NAP1L4: variants seen among roughly 807,000 people sequenced by gnomAD.
NAP1L4 encodes nucleosome assembly protein 1 like 4, also known as nucleosome assembly protein 1-like 4.
In NAP1L4, 15 loss-of-function variants were observed where a neutral mutation model predicts 58.2. That is an observed-to-expected ratio of 0.26 (90% CI 0.17 to 0.40). The LOEUF is 0.40. Among genes scored for constraint, NAP1L4 ranks in the 10% least tolerant of loss-of-function variants. The pLI, the probability that NAP1L4 is intolerant of heterozygous loss-of-function variation, is 1.00. For missense variants in NAP1L4, 384 were observed against 451.1 expected (o/e 0.85, Z 1.35); for synonymous variants, 171 against 155.6 (o/e 1.10, Z -0.74).
Position 2,948,950 on chromosome 11 carries a change from T to G in NAP1L4, c.*32+277A>C, listed in dbSNP as rs1049441250. Among the ~76,000 whole-genome samples, 8 of 152,198 alleles carry G rather than the reference T, an allele frequency of 5.3e-5. No individual in the cohort carries two copies. The highest frequency in any genetic ancestry group is 2.9e-5 in the Non-Finnish European group (2 of 68,038). On this transcript the variant is annotated intron_variant, in intron 15 of 15. Coordinates refer to ENST00000380542, the MANE Select transcript of NAP1L4 (RefSeq NM_005969.4). The surrounding 1 kb of genome is among the most constrained non-coding windows in gnomAD (Gnocchi z 5.1). ...GCAGACTGCTGACCATCCAGGGCCC[T>G]CTTACTGGAAAGCAGTACCATCAGC...
chr11:2,970,003 A>G (rs997946003), intron 6 of NAP1L4, 69 bp from the exon 7 acceptor site: 7 of 1,493,480 alleles, frequency 4.7e-6, no homozygotes, highest in Admixed American at 2.1e-5. Context: ...TTCACGTAGA[A>G]TATCGTTGCC....
chr11:2,981,392 T>G (rs1452719036), intron 1 of NAP1L4, among the ~76,000 whole-genome samples: 2 of 113,516 alleles, frequency 1.8e-5, no homozygotes, highest in East Asian at 3.1e-4. Context: ...AACTCCAGCC[T>G]GGACAACAGA....
At chr11:2,984,783 T>C (rs1848529662) in intron 1 of NAP1L4, among the ~76,000 whole-genome samples, 1 of 139,394 alleles carries the variant, frequency 7.2e-6, no homozygotes, top group Non-Finnish European at 1.6e-5. Context: ...TGGAGACAAA[T>C]TTCCTAGTAC....
intron 5 of NAP1L4, 72 bp downstream of exon 5, chr11:2,972,030 A>C: frequency 7.1e-7 from 1 of 1,413,512 alleles, no homozygotes. Context: ...TCAACTTATA[A>C]TGGGTTTATC....
intron 1 of NAP1L4, chr11:2,992,020 G>A (rs1329519248): frequency 1.3e-5 from 2 of 152,222 alleles, no homozygotes; most frequent in South Asian, 1.9e-4. Flanking sequence ...GGAGTTGGGA[G>A]GGGCCTCCCG....
chr11:2,987,350 C>T (rs558688358), intron 1 of NAP1L4, among the ~76,000 whole-genome samples: 4 of 151,712 alleles, frequency 2.6e-5, no homozygotes, highest in East Asian at 2.0e-4. Flanking sequence ...TCACCCAAGG[C>T]GGGAGAGGGT....
Position 2,971,357 on chromosome 11 carries a change from A to C in NAP1L4, c.402+91T>G. 8.8e-7 allele frequency: 1 copy of C among 1,130,880 alleles called. No individual in the cohort carries two copies. The highest frequency in any genetic ancestry group is 1.3e-6 in the Non-Finnish European group (1 of 778,226). The allele number at this position is 1,130,880 out of a possible 1,614,324, so 70.1% of individuals were successfully genotyped here. A position where few individuals can be genotyped will look rare whatever the true frequency, so the allele number is the denominator to read the frequency against. ...CAGCAGCACCTACTGTTAGAAGCAC[A>C]TAAGTTTACTAGTCATTAAAAATCA... is the stretch of plus-strand genomic sequence containing the variant. On this transcript the variant is annotated intron_variant, in intron 6 of 15. Transcript: ENST00000380542. This position sits in a 1 kb window ranked among gnomAD's most constrained non-coding sequence, Gnocchi z 4.2.
chr11:2,949,366 G>C lies in NAP1L4; in HGVS notation c.1123-102C>G. The C allele has an allele frequency of 1.0e-6, 1 of 957,082 alleles. No individual in the cohort carries two copies. Among genetic ancestry groups the C allele is most frequent in the Non-Finnish European group, 1.7e-6 (1 of 589,448 alleles). The allele number at this position is 957,082 out of a possible 1,614,324, so 59.3% of individuals were successfully genotyped here. ...GGCCACAATTTCTCATGATACAAAA[G>C]GGCTGCAAGATACTGAACTCGGGGT... On this transcript the variant is annotated intron_variant, in intron 14 of 15. Coordinates refer to ENST00000380542, the MANE Select transcript of NAP1L4 (RefSeq NM_005969.4). The surrounding 1 kb of genome is among the most constrained non-coding windows in gnomAD (Gnocchi z 4.0).
At chr11:2,956,629 G>A (rs951592012) in intron 10 of NAP1L4, among the ~76,000 whole-genome samples, 1 of 152,100 alleles carries the variant, frequency 6.6e-6, no homozygotes, top group East Asian at 1.9e-4. Flanking sequence ...GAGTTCCCAA[G>A]CCTCGGTGTG....
intron 1 of NAP1L4, among the ~76,000 whole-genome samples, chr11:2,988,384 A>G (rs1848772309): frequency 6.6e-6 from 1 of 152,192 alleles, no homozygotes; most frequent in Admixed American, 6.5e-5. Flanking sequence ...ACTCCTCTGC[A>G]CTGTTTTTCA....
chr11:2,978,407 G>A, intron 2 of NAP1L4, 65 bp from the exon 3 acceptor site: 1 of 1,452,864 alleles, frequency 6.9e-7, no homozygotes, highest in Non-Finnish European at 9.6e-7. Flanking sequence ...AGCACAAATG[G>A]ACATGTTTCT....
At chr11:2,979,863 TA>T in intron 1 of NAP1L4, among the ~76,000 whole-genome samples, 1 of 152,352 alleles carries the variant, frequency 6.6e-6, no homozygotes, top group East Asian at 1.9e-4. Context: ...CCTTATTTTT[TA>T]TAATACATTC....
rs754410504 is a variant in NAP1L4, at chr11:2,959,183, A to G, written c.746+587T>C. Among the ~76,000 whole-genome samples the G allele has an allele frequency of 4.6e-5, 7 of 152,266 alleles. No individual in the cohort carries two copies. The highest frequency in any genetic ancestry group is 8.8e-5 in the Non-Finnish European group (6 of 68,048). ...TAAATTACTCTAGCAGGATTTTAAT[A>G]AAGTCCTGAATTAACAATTACTATT... On this transcript the variant is annotated intron_variant, in intron 9 of 15. Transcript: ENST00000380542. The surrounding 1 kb of genome is among the most constrained non-coding windows in gnomAD (Gnocchi z 4.9).
chr11:2,979,782 A>T (rs1207036930), intron 1 of NAP1L4, among the ~76,000 whole-genome samples: 2 of 151,942 alleles, frequency 1.3e-5, no homozygotes, highest in Non-Finnish European at 2.9e-5. Context: ...AAAAAAAAAA[A>T]TAAAATAAAA....
In NAP1L4 at chr11:2,988,435, T is replaced by C. The variant is rs551285610; in HGVS notation, c.-18+3819A>G. ...ATTGAACTTGTTCGTCTGTCTCCCA[T>C]AGCAGAAACAAGGACAAAGACTTCT... On this transcript the variant is annotated intron_variant, in intron 1 of 15. Transcript: ENST00000380542. 5.9e-5 allele frequency among the ~76,000 whole-genome samples: 9 copies of C among 152,346 alleles called. No homozygotes were observed. The East Asian group carries it at 1.7e-3, about 29-fold the overall frequency.
In NAP1L4 at chr11:2,945,655, G is replaced by GC; in HGVS notation, c.*33-10_*33-9insG. 1.3e-6 allele frequency: 2 copies of GC among 1,535,650 alleles called. No homozygotes were observed. Among genetic ancestry groups the GC allele is most frequent in the Non-Finnish European group, 1.7e-6 (2 of 1,146,660 alleles). On this transcript the variant is annotated splice_polypyrimidine_tract_variant and intron_variant, in intron 15 of 15. Coordinates refer to ENST00000380542, the MANE Select transcript of NAP1L4 (RefSeq NM_005969.4). ...GGCTGGCTGGGTTCCTTCTGTCAAT[G>GC]AAAAAGACAAGGCTTGTAGAGAGCA...
chr11:2,952,893 TCAC>T (rs1846314889), intron 12 of NAP1L4: 1 of 152,242 alleles, frequency 6.6e-6, no homozygotes, highest in Non-Finnish European at 1.5e-5. Context: ...GTTCCCACAT[TCAC>T]CTCCTCCTCC....
chr11:2,950,050 G>T (rs1464458161), intron 14 of NAP1L4, among the ~76,000 whole-genome samples: 2 of 152,236 alleles, frequency 1.3e-5, no homozygotes, highest in Admixed American at 1.3e-4. Flanking sequence ...GCAGTGATGG[G>T]CAGCATTTAT....
chr11:2,963,962 G>C, intron 8 of NAP1L4: 1 of 508,470 alleles, frequency 2.0e-6, no homozygotes, highest in South Asian at 1.4e-5. Context: ...TGGTTCCTCA[G>C]ATAAAAGTAA....
Sources: allele counts gnomAD v4.1 joint callset (sites outside exome capture counted in the v4.1 genomes callset), GRCh38; gene constraint gnomAD v4.1.1; non-coding constraint Gnocchi (gnomAD v3.1); transcripts MANE v1.5; gene names NCBI Gene and HGNC (gene_info 2026-07-23, HGNC 2026-07-21).